Variants in B3GALT1 observed in about 807,000 individuals in gnomAD.
B3GALT1 encodes UDP-Gal:betaGlcNAc beta 1,3-galactosyltransferase, polypeptide 1.
A neutral mutation model predicts 23.2 loss-of-function variants in B3GALT1; 10 were observed. That is an observed-to-expected ratio of 0.43 (90% CI 0.27 to 0.73). B3GALT1 has a LOEUF of 0.73. Ranked by LOEUF, B3GALT1 falls within the 30% of genes least tolerant of loss-of-function variation. B3GALT1 has a pLI of 0.21. For synonymous variants in B3GALT1, 156 were observed against 141.5 expected (o/e 1.10, Z -0.73); for missense variants, 299 against 405.4 (o/e 0.74, Z 2.25).
At chr2:167,555,997 A>G (rs1392108164) in intron 2 of B3GALT1, among the ~76,000 whole-genome samples, 1 of 152,174 alleles carries the variant, frequency 6.6e-6, no homozygotes, top group African/African-American at 2.4e-5. Context: ...AATTATGCCA[A>G]TGGGATGGAA....
intron 2 of B3GALT1, among the ~76,000 whole-genome samples, chr2:167,497,737 G>C (rs771474493): frequency 1.3e-5 from 2 of 151,904 alleles, no homozygotes; most frequent in Non-Finnish European, 2.9e-5. Context: ...GCAACAAAAA[G>C]ATTAGGAAGA....
chr2:167,471,047 C>G (rs921666054), intron 1 of B3GALT1, among the ~76,000 whole-genome samples: 4 of 152,120 alleles, frequency 2.6e-5, no homozygotes, highest in Non-Finnish European at 4.4e-5. Flanking sequence ...AATATAGTTT[C>G]AGCTCCTTCA....
intron 4 of B3GALT1, among the ~76,000 whole-genome samples, chr2:167,858,237 T>C (rs1194962525): frequency 2.0e-5 from 3 of 151,648 alleles, no homozygotes; most frequent in African/African-American, 7.3e-5. Context: ...TTTACAACAG[T>C]GCAAGACTTT....
chr2:167,356,518 CTG>C (rs1398967598), intron 1 of B3GALT1, among the ~76,000 whole-genome samples: 1 of 152,068 alleles, frequency 6.6e-6, no homozygotes, highest in Non-Finnish European at 1.5e-5. Flanking sequence ...GTCTGCAACA[CTG>C]TGAATAGATT....
intron 2 of B3GALT1, among the ~76,000 whole-genome samples, chr2:167,532,918 G>C (rs981834546): frequency 1.4e-5 from 2 of 143,604 alleles, no homozygotes; most frequent in Non-Finnish European, 3.0e-5. Flanking sequence ...CTGGAGTGCA[G>C]TGGCGTGATC....
intron 1 of B3GALT1, among the ~76,000 whole-genome samples, chr2:167,460,674 A>AT (rs1193321095): frequency 2.0e-5 from 3 of 149,050 alleles, no homozygotes; most frequent in Admixed American, 1.3e-4. Context: ...ATGCCTTGTG[A>AT]TTTTTTTGTT....
intron 2 of B3GALT1, among the ~76,000 whole-genome samples, chr2:167,592,308 A>G (rs1019923446): frequency 1.3e-5 from 2 of 152,180 alleles, no homozygotes; most frequent in African/African-American, 4.8e-5. Context: ...TTCCATGGTC[A>G]GTCAACCTTG....
chr2:167,850,569 A>C (rs559841298), intron 4 of B3GALT1, among the ~76,000 whole-genome samples: 1 of 152,344 alleles, frequency 6.6e-6, no homozygotes, highest in Admixed American at 6.5e-5. Context: ...AAAAGAAGTT[A>C]TATGAAAAAG....
chr2:167,506,942 C>T (rs988539230), intron 2 of B3GALT1, among the ~76,000 whole-genome samples: 7 of 151,986 alleles, frequency 4.6e-5, no homozygotes, highest in Non-Finnish European at 1.0e-4. Context: ...TTAGGTGGGA[C>T]AAGACTATGG....
At chr2:167,782,103 T>C (rs1461049085) in intron 3 of B3GALT1, among the ~76,000 whole-genome samples, 2 of 152,124 alleles carry the variant, frequency 1.3e-5, no homozygotes, top group Non-Finnish European at 2.9e-5. Flanking sequence ...GAAATTGTAA[T>C]CCTGACAGAG....
intron 2 of B3GALT1, among the ~76,000 whole-genome samples, chr2:167,639,704 A>T (rs560048652): frequency 6.6e-5 from 10 of 151,732 alleles, no homozygotes; most frequent in East Asian, 2.0e-4. Context: ...AATACACTAA[A>T]TTTTTTTTTC....
In B3GALT1 at chr2:167,872,411, G is replaced by A. The variant is rs150064834; in HGVS notation, c.*2391G>A. 2 of 152,180 alleles carry A rather than the reference G, an allele frequency of 1.3e-5. No individual in the cohort carries two copies. Among genetic ancestry groups the A allele is most frequent in the Non-Finnish European group, 2.9e-5 (2 of 68,046 alleles). 9.4% of individuals were successfully genotyped at this position (152,180 alleles called of 1,614,324 possible). A position where few individuals can be genotyped will look rare whatever the true frequency, so the allele number is the denominator to read the frequency against. ...TCAGCAGGACTGCTGGTTTTGATTA[G>A]ACAATAGCAATTAGGTAACCTGGGG... On this transcript the variant is annotated 3_prime_UTR_variant, in exon 5 of 5. Coordinates refer to ENST00000392690, the MANE Select transcript of B3GALT1 (RefSeq NM_020981.4).
chr2:167,452,430 G>C (rs1330762719), intron 1 of B3GALT1, among the ~76,000 whole-genome samples: 2 of 152,102 alleles, frequency 1.3e-5, no homozygotes, highest in East Asian at 1.9e-4. Flanking sequence ...CTCAGCTCCA[G>C]GTAATGTCAA....
intron 3 of B3GALT1, among the ~76,000 whole-genome samples, chr2:167,656,229 A>G (rs1685953839): frequency 6.6e-6 from 1 of 151,902 alleles, no homozygotes; most frequent in East Asian, 1.9e-4. Context: ...GTGCCCTCCC[A>G]CTCTCCCAAG....
chr2:167,798,342 A>G (rs548416392), intron 3 of B3GALT1, among the ~76,000 whole-genome samples: 1 of 152,182 alleles, frequency 6.6e-6, no homozygotes, highest in East Asian at 1.9e-4. Context: ...TGGTGTTTTC[A>G]TCATGAAATC....
At chr2:167,617,856 A>G (rs1685187525) in intron 2 of B3GALT1, among the ~76,000 whole-genome samples, 1 of 152,060 alleles carries the variant, frequency 6.6e-6, no homozygotes, top group Non-Finnish European at 1.5e-5. Context: ...TCTTTAATGC[A>G]CTGTCTCCCA....
At position 167,563,402 on chromosome 2, in the gene B3GALT1, G is replaced by A. The variant is rs1288133090; in HGVS notation, c.-410+73125G>A. Reference sequence around the variant, plus strand: ...CCTCCCGGACGGGGCGGCTGGCCGGGCGGGGGGCTGACCCCTCCACCTCCC... The same window carrying A: ...CCTCCCGGACGGGGCGGCTGGCCGGACGGGGGGCTGACCCCTCCACCTCCC... On this transcript the variant is annotated intron_variant, in intron 2 of 4. Transcript: ENST00000392690. Among the ~76,000 whole-genome samples the A allele has an allele frequency of 9.6e-5, 13 of 135,732 alleles. No homozygotes were observed. In the South Asian group the frequency reaches 1.7e-3, roughly 18 times the overall value. The allele number at this position is 135,732 out of a possible 152,430, so 89.0% of individuals were successfully genotyped here. A position where few individuals can be genotyped will look rare whatever the true frequency, so the allele number is the denominator to read the frequency against.
At chr2:167,455,799 C>G (rs117452568) in intron 1 of B3GALT1, among the ~76,000 whole-genome samples, 1 of 152,142 alleles carries the variant, frequency 6.6e-6, no homozygotes. Flanking sequence ...AGACATGGGC[C>G]CTCACACCTG....
At chr2:167,407,487 A>T (rs1698303075) in intron 1 of B3GALT1, among the ~76,000 whole-genome samples, 1 of 152,118 alleles carries the variant, frequency 6.6e-6, no homozygotes, top group Non-Finnish European at 1.5e-5. Context: ...GAAATAATAA[A>T]AATCAGAGCA....
Sources: gnomAD v4.1 joint callset for allele counts (sites outside exome capture counted in the v4.1 genomes callset) on GRCh38, gnomAD v4.1.1 for gene constraint, MANE v1.5 for transcripts, NCBI Gene and HGNC (gene_info 2026-07-23, HGNC 2026-07-21) for gene names.